Variants in LZTFL1 observed in about 807,000 individuals in gnomAD.
LZTFL1 encodes leucine zipper transcription factor like 1, also known as leucine zipper transcription factor-like protein 1.
Under a neutral mutation model 45.9 loss-of-function variants are expected in LZTFL1, and 25 were observed. That is an observed-to-expected ratio of 0.54 (90% CI 0.40 to 0.76). The LOEUF is 0.76. LZTFL1 is among the 30% of genes least tolerant of loss of function. The probability of loss-of-function intolerance (pLI) is 0.00; values close to 1 mark genes in which losing one functional copy is unlikely to be tolerated. For synonymous variants in LZTFL1, 93 were observed against 117.4 expected (o/e 0.79, Z 1.35); for missense variants, 277 against 331.1 (o/e 0.84, Z 1.27).
rs1263842471 is a variant in LZTFL1, at chr3:45,824,383, CAACA to C, written c.*1927_*1930del. ...GAGTAAATAACAACAACAACAACAA[CAACA>C]AAAATGACAAACCAGAAACACTAAA... On this transcript the variant is annotated 3_prime_UTR_variant, in exon 10 of 10. Transcript: ENST00000296135. 1 of 154,146 alleles carries C rather than the reference CAACA, an allele frequency of 6.5e-6. No individual in the cohort carries two copies. Among genetic ancestry groups the C allele is most frequent in the Non-Finnish European group, 1.4e-5 (1 of 69,532 alleles). The allele number at this position is 154,146 out of a possible 1,614,324, so 9.5% of individuals were successfully genotyped here.
intron 2 of LZTFL1, among the ~76,000 whole-genome samples, chr3:45,872,501 C>T (rs1037068447): frequency 6.6e-6 from 1 of 152,104 alleles, no homozygotes; most frequent in Non-Finnish European, 1.5e-5. Context: ...TGCAACAAAC[C>T]AGCCCAGGAA....
chr3:45,842,473 CCAGA>C (rs1478519523), upstream of LZTFL1, among the ~76,000 whole-genome samples: 1 of 150,628 alleles, frequency 6.6e-6, no homozygotes, highest in East Asian at 1.9e-4. Flanking sequence ...AGGGCGCGGC[CCAGA>C]CATTTTTTTT....
chr3:45,834,607 T>A, intron 3 of LZTFL1: 1 of 211,246 alleles, frequency 4.7e-6, no homozygotes, highest in African/African-American at 2.3e-5. Context: ...ATTCTTGAGG[T>A]GCTATGAGGA....
At chr3:45,856,514 CA>C (rs1053145347) in intron 3 of LZTFL1, among the ~76,000 whole-genome samples, 1 of 151,992 alleles carries the variant, frequency 6.6e-6, no homozygotes, top group African/African-American at 2.4e-5. Context: ...GCAACCACAA[CA>C]AAAGCAAAAA....
chr3:45,859,756 C>T (rs937162626), intron 2 of LZTFL1, among the ~76,000 whole-genome samples: 1 of 151,572 alleles, frequency 6.6e-6, no homozygotes, highest in Non-Finnish European at 1.5e-5. Context: ...CATGCCTCAG[C>T]CTCCCAAGTA....
chr3:45,853,463 G>C (rs141644525), intron 4 of LZTFL1, among the ~76,000 whole-genome samples: 9 of 152,272 alleles, frequency 5.9e-5, no homozygotes, highest in African/African-American at 2.2e-4. Flanking sequence ...CAGATATAGA[G>C]AGCAAAATTA....
At chr3:45,833,622 A>T (rs1700889749) in intron 4 of LZTFL1, among the ~76,000 whole-genome samples, 1 of 152,234 alleles carries the variant, frequency 6.6e-6, no homozygotes, top group African/African-American at 2.4e-5. Context: ...AAAATAAAAT[A>T]ATTCATGCCC....
In LZTFL1 at chr3:45,900,230, T is replaced by C. The variant is rs1339706637; in HGVS notation, c.-215+12890A>G. On this transcript the variant is annotated intron_variant, in intron 2 of 4. Coordinates refer to the LZTFL1 transcript ENST00000472635. This position sits in a 1 kb window ranked among gnomAD's most constrained non-coding sequence, Gnocchi z 4.7. ...ACTATAGAGCAGGTCATGGTGCTTG[T>C]GTGTGTATGTAGGGTTGAGAGTGTC... Among the ~76,000 whole-genome samples the C allele has an allele frequency of 4.6e-5, 7 of 152,126 alleles. No homozygotes were observed. Among genetic ancestry groups the C allele is most frequent in the Non-Finnish European group, 1.0e-4 (7 of 68,006 alleles).
At chr3:45,872,108 C>T (rs559866843) in intron 2 of LZTFL1, among the ~76,000 whole-genome samples, 2 of 152,158 alleles carry the variant, frequency 1.3e-5, no homozygotes, top group Non-Finnish European at 2.9e-5. Flanking sequence ...GAATTTATCG[C>T]CACAGTGCAT....
chr3:45,836,658 A>C (rs1316344820), intron 2 of LZTFL1, among the ~76,000 whole-genome samples: 1 of 152,222 alleles, frequency 6.6e-6, no homozygotes, highest in Non-Finnish European at 1.5e-5. Flanking sequence ...CCGTCTCAAA[A>C]AAACAAACAA....
At chr3:45,903,733 G>T (rs998441253) in intron 2 of LZTFL1, among the ~76,000 whole-genome samples, 1 of 152,356 alleles carries the variant, frequency 6.6e-6, no homozygotes, top group African/African-American at 2.4e-5. Context: ...CTGCCCGTGA[G>T]GGGGCAGTGG....
At chr3:45,892,216 CTAATT>C (rs1186769148) in intron 2 of LZTFL1, among the ~76,000 whole-genome samples, 1 of 152,108 alleles carries the variant, frequency 6.6e-6, no homozygotes, top group Non-Finnish European at 1.5e-5. Context: ...ATCTATCTAT[CTAATT>C]TAATCTTAAA....
chr3:45,861,671 T>C (rs140985012), intron 2 of LZTFL1, among the ~76,000 whole-genome samples: 2 of 152,326 alleles, frequency 1.3e-5, no homozygotes, highest in African/African-American at 4.8e-5. Flanking sequence ...TATTTGCAGA[T>C]ACAAGGGACA....
intron 2 of LZTFL1, among the ~76,000 whole-genome samples, chr3:45,867,063 G>A (rs567382118): frequency 4.2e-4 from 60 of 143,718 alleles, no homozygotes; most frequent in Middle Eastern, 3.9e-3. Flanking sequence ...CAGGAGAATC[G>A]CTTGAACCCA....
At chr3:45,876,924 T>C (rs1211260336) in intron 2 of LZTFL1, among the ~76,000 whole-genome samples, 7 of 152,038 alleles carry the variant, frequency 4.6e-5, no homozygotes, top group Non-Finnish European at 1.0e-4. Flanking sequence ...GGGTAACTAT[T>C]CCCCCAGCCT....
At chr3:45,875,610 C>G (rs374541967) in intron 2 of LZTFL1, among the ~76,000 whole-genome samples, 19 of 152,208 alleles carry the variant, frequency 1.2e-4, no homozygotes, top group African/African-American at 4.6e-4. Context: ...TTGCTTAAGC[C>G]CAGCCATTCA....
chr3:45,835,876 C>A, intron 2 of LZTFL1, 92 bp from the exon 3 acceptor site: 1 of 806,044 alleles, frequency 1.2e-6, no homozygotes. Flanking sequence ...TTCATGTAAT[C>A]TAAGAAATTC....
At chr3:45,861,361 A>G (rs1701488236) in intron 2 of LZTFL1, among the ~76,000 whole-genome samples, 1 of 152,204 alleles carries the variant, frequency 6.6e-6, no homozygotes, top group Admixed American at 6.5e-5. Flanking sequence ...CGGGAAGCTC[A>G]GAAGTGCTGT....
chr3:45,883,968 T>A, intron 2 of LZTFL1: 1 of 357,882 alleles, frequency 2.8e-6, no homozygotes, highest in East Asian at 6.2e-5. Flanking sequence ...GACAAATGAA[T>A]GTGCTGCACT....
Sources: gnomAD v4.1 joint callset for allele counts (sites outside exome capture counted in the v4.1 genomes callset) on GRCh38, gnomAD v4.1.1 for gene constraint, Gnocchi (gnomAD v3.1) non-coding constraint, MANE v1.5 for transcripts, NCBI Gene and HGNC (gene_info 2026-07-23, HGNC 2026-07-21) for gene names.